PCSK5: variants seen among roughly 807,000 people sequenced by gnomAD.
The protein encoded by PCSK5 is proprotein convertase subtilisin/kexin type 5.
In PCSK5, 129 loss-of-function variants were observed where a neutral mutation model predicts 233.2. That is an observed-to-expected ratio of 0.55 (90% CI 0.48 to 0.64). The LOEUF (loss-of-function observed/expected upper bound fraction) is 0.64, where lower values mean the gene tolerates loss of function less well. Ranked by LOEUF, PCSK5 falls within the 30% of genes least tolerant of loss-of-function variation. PCSK5 has a pLI of 0.00. For missense variants in PCSK5, 2,076 were observed against 2,430.1 expected, an observed-to-expected ratio of 0.85 and a Z score of 3.06; for synonymous variants, 825 against 879.2, an observed-to-expected ratio of 0.94 and a Z score of 1.09.
At chr9:76,087,883 A>G (rs140977734) in intron 7 of PCSK5, among the ~76,000 whole-genome samples, 413 of 152,324 alleles carry the variant, frequency 2.7e-3, no homozygotes, top group African/African-American at 9.6e-3. Context: ...GTCATGTCGC[A>G]TAAGAAATGG....
intron 5 of PCSK5, among the ~76,000 whole-genome samples, chr9:76,065,547 T>C (rs1010893675): frequency 6.7e-6 from 1 of 148,552 alleles, no homozygotes; most frequent in Non-Finnish European, 1.5e-5. Context: ...ATACATTCAG[T>C]TTATTAATCC....
intron 20 of PCSK5, among the ~76,000 whole-genome samples, chr9:76,206,243 T>C (rs559191966): frequency 6.6e-6 from 1 of 152,292 alleles, no homozygotes; most frequent in African/African-American, 2.4e-5. Context: ...GTTAACTACA[T>C]AGTCTTAGTA....
At chr9:75,967,225 G>A (rs1264517994) in intron 2 of PCSK5, among the ~76,000 whole-genome samples, 4 of 152,174 alleles carry the variant, frequency 2.6e-5, no homozygotes, top group Admixed American at 6.5e-5. Flanking sequence ...TCCAGGTAGT[G>A]AGCATAGTGC....
intron 2 of PCSK5, among the ~76,000 whole-genome samples, chr9:75,933,756 C>T (rs1823919221): frequency 6.6e-6 from 1 of 152,172 alleles, no homozygotes. Context: ...TCCTTTGTCA[C>T]TATTCAGAAT....
intron 5 of PCSK5, 67 bp from the exon 6 acceptor site, chr9:76,067,888 C>T: frequency 8.3e-7 from 1 of 1,211,600 alleles, no homozygotes; most frequent in South Asian, 1.2e-5. Context: ...TGAGTGGTGG[C>T]AGTGACGCGT....
At chr9:76,254,015 C>T (rs1468398768) in intron 24 of PCSK5, among the ~76,000 whole-genome samples, 2 of 152,150 alleles carry the variant, frequency 1.3e-5, no homozygotes, top group Admixed American at 1.3e-4. Flanking sequence ...GAGAACTCTG[C>T]TCTGTGTGAT....
chr9:75,951,066 G>A (rs1416537144), intron 2 of PCSK5, among the ~76,000 whole-genome samples: 1 of 152,186 alleles, frequency 6.6e-6, no homozygotes, highest in Non-Finnish European at 1.5e-5. Flanking sequence ...CCGGTAGGCA[G>A]AAGTCTTAAC....
chr9:76,247,890 T>C (rs1339844649), intron 24 of PCSK5, among the ~76,000 whole-genome samples: 2 of 151,928 alleles, frequency 1.3e-5, no homozygotes, highest in Non-Finnish European at 2.9e-5. Context: ...GTTCAAGCAA[T>C]TCTCCTGCCT....
At chr9:76,137,902 T>A (rs908873059) in intron 10 of PCSK5, among the ~76,000 whole-genome samples, 1 of 152,112 alleles carries the variant, frequency 6.6e-6, no homozygotes, top group African/African-American at 2.4e-5. Context: ...ATCCCTTCCC[T>A]TTCTGCTTAG....
chr9:76,182,279 G>A (rs1322748793), intron 16 of PCSK5, among the ~76,000 whole-genome samples: 1 of 152,080 alleles, frequency 6.6e-6, no homozygotes, highest in African/African-American at 2.4e-5. Flanking sequence ...AGGCCTGTAT[G>A]ATATCAAAAT....
At chr9:76,058,979 A>G (rs183360682) in intron 5 of PCSK5, among the ~76,000 whole-genome samples, 1 of 152,214 alleles carries the variant, frequency 6.6e-6, no homozygotes, top group East Asian at 1.9e-4. Flanking sequence ...ACCCACACCC[A>G]CTTCCCCACA....
intron 2 of PCSK5, among the ~76,000 whole-genome samples, chr9:75,964,229 A>G (rs73650412): frequency 1.2e-4 from 19 of 152,334 alleles, no homozygotes; most frequent in African/African-American, 4.6e-4. Flanking sequence ...TACCAGGGAA[A>G]TCTAAATTCC....
At chr9:76,046,548 T>G (rs867583167) in intron 5 of PCSK5, among the ~76,000 whole-genome samples, 2 of 138,464 alleles carry the variant, frequency 1.4e-5, no homozygotes, top group East Asian at 4.0e-4. Flanking sequence ...TCTTTTTTTT[T>G]CTTTCTTTTT....
chr9:76,220,274 A>C (rs960473369), intron 20 of PCSK5, among the ~76,000 whole-genome samples: 7 of 152,018 alleles, frequency 4.6e-5, no homozygotes, highest in Non-Finnish European at 1.0e-4. Context: ...TGCCTGTAAT[A>C]CCAGCACTTT....
intron 2 of PCSK5, among the ~76,000 whole-genome samples, chr9:75,983,669 C>CCAGTGAG (rs1298733420): frequency 3.3e-5 from 5 of 152,276 alleles, no homozygotes; most frequent in Admixed American, 2.6e-4. Context: ...AAAAGTTAAG[C>CCAGTGAG]CAGTGAGGCA....
Position 76,240,630 on chromosome 9 carries a change from C to A in PCSK5, c.3088C>A (p.Pro1030Thr). 1 of 1,575,914 alleles carries A rather than the reference C, an allele frequency of 6.3e-7. No homozygotes were observed. The highest frequency in any genetic ancestry group is 2.3e-5 in the East Asian group (1 of 43,844). Residue 1030 changes from proline to threonine, a missense_variant, in exon 24 of 38, where the codon CCA becomes ACA. By Grantham distance (38) the Pro-to-Thr change is conservative (BLOSUM62 -1). This residue lies in a region of PCSK5 where 1,510 missense variants were observed against 1,538.1 expected (regional missense o/e 0.98). Transcript: ENST00000674117. ...TGTCTGTGTAGGTGAAGTCCAAGAC[C>A]CAGACTATGAAGAATGTGTCCCTTG... The part of the protein sequence containing the change: ...LECGQGEVQD[P>T]DYEECVPCEE...
intron 2 of PCSK5, among the ~76,000 whole-genome samples, chr9:75,938,903 A>G (rs867097173): frequency 1.1e-4 from 17 of 152,210 alleles, no homozygotes; most frequent in African/African-American, 4.1e-4. Context: ...GGCTTCGTGG[A>G]AAATTGATGA....
intron 8 of PCSK5, among the ~76,000 whole-genome samples, chr9:76,103,462 A>ATTGACTTATG (rs1312026953): frequency 2.0e-5 from 3 of 152,196 alleles, no homozygotes; most frequent in Non-Finnish European, 4.4e-5. Flanking sequence ...TTATGGCCAA[A>ATTGACTTATG]GTCAATCTGA....
chr9:75,992,407 A>T (rs7040589), intron 3 of PCSK5, among the ~76,000 whole-genome samples: 4,096 of 152,296 alleles, frequency 0.027, 194 homozygotes, highest in African/African-American at 0.094. Flanking sequence ...ACAACTTAGA[A>T]ATGACACTTG....
Sources: allele counts gnomAD v4.1 joint callset (sites outside exome capture counted in the v4.1 genomes callset), GRCh38; gene constraint gnomAD v4.1.1; regional missense constraint gnomAD v4.1.1; transcripts MANE v1.5; gene names NCBI Gene and HGNC (gene_info 2026-07-23, HGNC 2026-07-21).